Variants in UTRN observed in about 807,000 individuals in gnomAD.
UTRN encodes dystrophin-related protein 1.
A neutral mutation model predicts 463.9 loss-of-function variants in UTRN; 283 were observed. The ratio of observed to expected loss-of-function variants is 0.61; its 90% confidence interval spans 0.55 to 0.67. UTRN has a LOEUF of 0.67. Ranked by LOEUF, UTRN falls within the 30% of genes least tolerant of loss-of-function variation. The pLI is 0.00. For synonymous variants in UTRN, 1,442 were observed against 1,431.5 expected, an observed-to-expected ratio of 1.01 and a Z score of -0.17; for missense variants, 3,922 against 4,084.3, an observed-to-expected ratio of 0.96 and a Z score of 1.08.
At chr6:144,770,948 T>C (rs1041375970) in intron 58 of UTRN, among the ~76,000 whole-genome samples, 4 of 152,164 alleles carry the variant, frequency 2.6e-5, no homozygotes, top group African/African-American at 9.7e-5. Flanking sequence ...GGAGGGAGGC[T>C]CTGTAGATTG....
At chr6:144,509,882 A>G (rs536281732) in intron 34 of UTRN, among the ~76,000 whole-genome samples, 1 of 152,286 alleles carries the variant, frequency 6.6e-6, no homozygotes, top group South Asian at 2.1e-4. Flanking sequence ...TATTCTAGTC[A>G]ATCAGTACAT....
At chr6:144,684,058 T>A (rs575038165) in intron 52 of UTRN, among the ~76,000 whole-genome samples, 2 of 151,640 alleles carry the variant, frequency 1.3e-5, no homozygotes, top group African/African-American at 4.8e-5. Context: ...ACTTTTTTTT[T>A]TTTTTTTTTG....
intron 66 of UTRN, among the ~76,000 whole-genome samples, chr6:144,822,918 T>G (rs910883096): frequency 2.6e-5 from 4 of 152,012 alleles, no homozygotes; most frequent in Admixed American, 2.0e-4. Context: ...ATTGGCATTT[T>G]GCATCACAAA....
At chr6:144,722,235 T>TCAGA (rs1455217741) in intron 53 of UTRN, among the ~76,000 whole-genome samples, 2 of 152,166 alleles carry the variant, frequency 1.3e-5, no homozygotes, top group Non-Finnish European at 2.9e-5. Flanking sequence ...TGCACTTGCC[T>TCAGA]CAGAGCCTTT....
At chr6:144,336,539 T>G (rs1021583449) in intron 2 of UTRN, among the ~76,000 whole-genome samples, 1 of 152,142 alleles carries the variant, frequency 6.6e-6, no homozygotes, top group Non-Finnish European at 1.5e-5. Flanking sequence ...TCTTCACACC[T>G]TCCCATGAAG....
intron 73 of UTRN, among the ~76,000 whole-genome samples, chr6:144,845,475 C>T (rs1313486364): frequency 6.6e-6 from 1 of 152,116 alleles, no homozygotes; most frequent in Non-Finnish European, 1.5e-5. Context: ...AACCCAAAAC[C>T]CACTGCAATG....
intron 46 of UTRN, among the ~76,000 whole-genome samples, chr6:144,547,914 T>C (rs556661918): frequency 6.6e-6 from 1 of 152,358 alleles, no homozygotes; most frequent in South Asian, 2.1e-4. Context: ...TGGCTATACA[T>C]TTTAGAAAAT....
Position 144,480,043 on chromosome 6 carries a change from C to T in UTRN, c.3507+61C>T. The stretch of plus-strand genomic sequence containing the variant: ...GCCTCCCTCCTCCCTTTAAAACCAG[C>T]ACATCAATCATCTGTCTATCTGTCA... On this transcript the variant is annotated intron_variant, in intron 26 of 74. Transcript: ENST00000367545. 4.5e-6 allele frequency: 7 copies of T among 1,547,468 alleles called. No homozygotes were observed. The South Asian group carries it at 7.4e-5, about 16-fold the overall frequency.
intron 50 of UTRN, among the ~76,000 whole-genome samples, chr6:144,558,657 C>G (rs926480643): frequency 5.3e-5 from 8 of 151,728 alleles, no homozygotes; most frequent in Non-Finnish European, 1.2e-4. Flanking sequence ...AAAGAAAAGA[C>G]CTACAATCAG....
intron 27 of UTRN, among the ~76,000 whole-genome samples, chr6:144,483,910 C>T (rs897852593): frequency 3.9e-5 from 6 of 152,188 alleles, no homozygotes; most frequent in Non-Finnish European, 7.3e-5. Flanking sequence ...TATTTACTGG[C>T]TGGCCCTTTG....
Position 144,461,253 on chromosome 6 carries a change from G to A in UTRN, c.2764G>A (p.Val922Met), listed in dbSNP as rs748303771. 3 of 1,610,990 alleles carry A rather than the reference G, an allele frequency of 1.9e-6. No individual in the cohort carries two copies. The highest frequency in any genetic ancestry group is 2.5e-6 in the Non-Finnish European group (3 of 1,178,066). ...YLETLKTLKD[V>M]LNDSENKAQV... ...GGAAACATTGAAAACACTGAAAGAT[G>A]TGCTAAATGATTCAGAAAATAAGGC... Residue 922 changes from valine (V) to methionine (M), a missense_variant, in exon 22 of 75, where the codon GTG (valine) becomes ATG (methionine). This residue lies in a region of UTRN where 2,349 missense variants were observed against 2,303.8 expected (regional missense o/e 1.02). Coordinates refer to ENST00000367545, the MANE Select transcript of UTRN (RefSeq NM_007124.3).
chr6:144,569,323 T>TAC (rs1800721224), intron 50 of UTRN, among the ~76,000 whole-genome samples: 1 of 152,064 alleles, frequency 6.6e-6, no homozygotes, highest in Non-Finnish European at 1.5e-5. Context: ...ACTTTTAGTA[T>TAC]AGTCATTATG....
chr6:144,754,066 CCTT>C (rs1237137303), intron 56 of UTRN, among the ~76,000 whole-genome samples: 2 of 152,066 alleles, frequency 1.3e-5, no homozygotes, highest in Admixed American at 6.6e-5. Context: ...CTCACTCTAT[CCTT>C]CTAACTATCC....
At chr6:144,798,605 GTATGCA>G (rs1306102915) in intron 64 of UTRN, among the ~76,000 whole-genome samples, 2 of 152,140 alleles carry the variant, frequency 1.3e-5, no homozygotes, top group African/African-American at 4.8e-5. Context: ...CTTAACATAG[GTATGCA>G]TTTGACCTCT....
At chr6:144,630,332 C>T (rs1488164391) in intron 51 of UTRN, among the ~76,000 whole-genome samples, 2 of 152,078 alleles carry the variant, frequency 1.3e-5, no homozygotes, top group Non-Finnish European at 2.9e-5. Flanking sequence ...CTGTTCTCAC[C>T]CTGCTAATAA....
At position 144,820,785 on chromosome 6, in the gene UTRN, A is replaced by T; in HGVS notation, c.9358-97A>T. On this transcript the variant is annotated intron_variant, in intron 65 of 74. Coordinates refer to ENST00000367545, the MANE Select transcript of UTRN (RefSeq NM_007124.3). ...GCATAAAACTACCAAAACTGTTGAC[A>T]TTTAATTGCATCAATTTACATCGGC... The T allele has an allele frequency of 5.5e-6, 8 of 1,449,208 alleles. No individual in the cohort carries two copies. In the Middle Eastern group the frequency reaches 7.3e-4, roughly 131 times the overall value. 89.8% of individuals were successfully genotyped at this position (1,449,208 alleles called of 1,614,324 possible).
rs374775709 is a variant in UTRN, at chr6:144,447,673, A to G, written c.1794A>G (p.Gly598=). ...DQLSEIGQDV[G]QLLDNSKASK... Reference sequence around the variant, plus strand: ...TGAGTGAGATTGGCCAGGATGTGGGACAATTACTTGATAATTCCAAGGCAT... The same window carrying G: ...TGAGTGAGATTGGCCAGGATGTGGGGCAATTACTTGATAATTCCAAGGCAT... The change falls in exon 16 of 75, where the codon GGA becomes GGG. Residue 598 remains glycine, a synonymous_variant. Coordinates refer to ENST00000367545, the MANE Select transcript of UTRN (RefSeq NM_007124.3). 8.7e-6 allele frequency: 14 copies of G among 1,613,962 alleles called. No homozygotes were observed. The African/African-American group carries it at 1.7e-4, about 20-fold the overall frequency.
chr6:144,774,733 C>A lies in UTRN; in HGVS notation c.8632+369C>A, dbSNP rs76102148. Among the ~76,000 whole-genome samples the A allele has an allele frequency of 3.3e-3, 506 of 152,216 alleles. 19 individuals carry two copies. The East Asian group carries it at 0.079, about 24-fold the overall frequency. On this transcript the variant is annotated intron_variant, in intron 60 of 74. Coordinates refer to ENST00000367545, the MANE Select transcript of UTRN (RefSeq NM_007124.3). The stretch of plus-strand genomic sequence containing the variant: ...GTAGAGTTCCAGTTTGTCTCAATAC[C>A]ACTATATATAAAGAAACACTAAAAA...
At chr6:144,359,659 T>C (rs185897811) in intron 2 of UTRN, among the ~76,000 whole-genome samples, 33 of 152,294 alleles carry the variant, frequency 2.2e-4, no homozygotes, top group Admixed American at 2.0e-3. Context: ...GCATCTATTA[T>C]ATTTTTTTTA....
Sources: allele counts gnomAD v4.1 joint callset (sites outside exome capture counted in the v4.1 genomes callset), GRCh38; gene constraint gnomAD v4.1.1; regional missense constraint gnomAD v4.1.1; transcripts MANE v1.5; gene names NCBI Gene and HGNC (gene_info 2026-07-23, HGNC 2026-07-21).